CRYM: variants seen among roughly 807,000 people sequenced by gnomAD.
CRYM encodes crystallin mu.
In CRYM, 18 loss-of-function variants were observed where a neutral mutation model predicts 32.9. That is an observed-to-expected ratio of 0.55 (90% confidence interval 0.38 to 0.81). The LOEUF (loss-of-function observed/expected upper bound fraction) is 0.81, where lower values mean the gene tolerates loss of function less well. Among genes scored for constraint, CRYM ranks in the 30% least tolerant of loss-of-function variants. The pLI is 0.00. For synonymous variants in CRYM, 153 were observed against 152.4 expected (o/e 1.00, Z -0.03); for missense variants, 337 against 393.5 (o/e 0.86, Z 1.21).
chr16:21,282,438 T>G (rs2093399813), upstream of CRYM, among the ~76,000 whole-genome samples: 1 of 152,102 alleles, frequency 6.6e-6, no homozygotes, highest in South Asian at 2.1e-4. Flanking sequence ...GTGGTTTTTT[T>G]TTTAAAGTTA....
At chr16:21,287,987 T>A (rs2093410267) in intron 1 of CRYM, among the ~76,000 whole-genome samples, 1 of 152,208 alleles carries the variant, frequency 6.6e-6, no homozygotes, top group African/African-American at 2.4e-5. Flanking sequence ...GGTGCAATCT[T>A]GTGGGATTGG....
intron 1 of CRYM, among the ~76,000 whole-genome samples, chr16:21,302,213 T>G (rs1200082728): frequency 6.6e-6 from 1 of 152,250 alleles, no homozygotes; most frequent in Non-Finnish European, 1.5e-5. Flanking sequence ...AGTCCAGAAT[T>G]TATTTGCTGT....
chr16:21,272,847 T>A (rs1363792223), intron 3 of CRYM, among the ~76,000 whole-genome samples: 11 of 90,210 alleles, frequency 1.2e-4, no homozygotes, highest in Non-Finnish European at 7.2e-5. Context: ...TTTTTTTTTT[T>A]AGTACAGATG....
At chr16:21,259,604 C>T (rs561203980) in intron 7 of CRYM, among the ~76,000 whole-genome samples, 158 of 152,272 alleles carry the variant, frequency 1.0e-3, no homozygotes, top group South Asian at 4.8e-3. Flanking sequence ...CATTTTCAGA[C>T]ATCATGAAAT....
At chr16:21,276,004 T>A (rs1454423554) in intron 2 of CRYM, among the ~76,000 whole-genome samples, 1 of 152,166 alleles carries the variant, frequency 6.6e-6, no homozygotes, top group African/African-American at 2.4e-5. Flanking sequence ...CATGAAACTC[T>A]TAGTGGCTCT....
At chr16:21,288,186 G>A (rs905595308) in intron 1 of CRYM, among the ~76,000 whole-genome samples, 1 of 152,216 alleles carries the variant, frequency 6.6e-6, no homozygotes, top group Non-Finnish European at 1.5e-5. Flanking sequence ...GAGGACCAAT[G>A]TAAATTATTC....
At chr16:21,296,609 G>T (rs984360516) in intron 1 of CRYM, among the ~76,000 whole-genome samples, 1 of 152,154 alleles carries the variant, frequency 6.6e-6, no homozygotes, top group Non-Finnish European at 1.5e-5. Flanking sequence ...ATGGGGCAGG[G>T]ACTTTTATAT....
chr16:21,276,938 C>A (rs2093387730), intron 2 of CRYM, among the ~76,000 whole-genome samples: 1 of 141,034 alleles, frequency 7.1e-6, no homozygotes, highest in African/African-American at 2.8e-5. Flanking sequence ...TAGAAAAGTG[C>A]CTGATGCATT....
intron 1 of CRYM, among the ~76,000 whole-genome samples, chr16:21,285,507 C>A (rs1203702893): frequency 3.3e-5 from 5 of 152,144 alleles, no homozygotes; most frequent in Admixed American, 3.3e-4. Context: ...AGACAAGGAA[C>A]CATGCCAGAC....
chr16:21,274,961 T>C (rs1160560800), intron 3 of CRYM, among the ~76,000 whole-genome samples: 1 of 152,230 alleles, frequency 6.6e-6, no homozygotes, highest in Non-Finnish European at 1.5e-5. Context: ...CCCTCTGTTT[T>C]TCTCACTGCC....
In CRYM at chr16:21,275,554, G is replaced by A. The variant is rs1387793331; in HGVS notation, c.365C>T (p.Ala122Val). The A allele has an allele frequency of 1.5e-5, 24 of 1,613,950 alleles. No homozygotes were observed. Among genetic ancestry groups the A allele is most frequent in the East Asian group, 2.2e-5 (1 of 44,892 alleles). ...TACCTTGGTGGCAATGGCAGAAACT[G>A]CAGCTGTTCTCTTTGCAGTTATGAC... ...GNVITAKRTA[A>V]VSAIATKFLK... The change falls in exon 3 of 8, where the codon GCA becomes GTA. Residue 122 changes from alanine (A) to valine (V), a missense_variant. By Grantham distance (64) the Ala-to-Val change is moderately conservative. Transcript: ENST00000572914.
intron 6 of CRYM, 42 bp from the exon 7 acceptor site, chr16:21,261,380 T>G: frequency 6.4e-7 from 1 of 1,552,722 alleles, no homozygotes; most frequent in Admixed American, 1.7e-5. Context: ...GAAGCTAAAG[T>G]CTGTGCAGGG....
upstream of CRYM, chr16:21,278,304 T>C (rs1048860880): frequency 5.8e-6 from 9 of 1,543,538 alleles, no homozygotes; most frequent in Non-Finnish European, 7.8e-6. Context: ...CCACGTACCC[T>C]CGGCTGTGCC....
At chr16:21,280,936 C>T (rs2152863725), upstream of CRYM, among the ~76,000 whole-genome samples, 1 of 152,134 alleles carries the variant, frequency 6.6e-6, no homozygotes, top group South Asian at 2.1e-4. Context: ...GAAACCCCAT[C>T]TCTACAAAAA....
chr16:21,276,684 C>T (rs1490705263), intron 2 of CRYM, among the ~76,000 whole-genome samples: 1 of 152,200 alleles, frequency 6.6e-6, no homozygotes, highest in Non-Finnish European at 1.5e-5. Flanking sequence ...CTTCTTGGCA[C>T]ATAAGTGCCC....
intron 1 of CRYM, among the ~76,000 whole-genome samples, chr16:21,291,861 A>C (rs188799313): frequency 6.6e-6 from 1 of 152,136 alleles, no homozygotes; most frequent in Non-Finnish European, 1.5e-5. Flanking sequence ...GTCCCAGACT[A>C]TGGCCTTTTA....
chr16:21,302,191 C>T (rs1451505178), intron 1 of CRYM, among the ~76,000 whole-genome samples: 2 of 152,224 alleles, frequency 1.3e-5, no homozygotes, highest in Admixed American at 1.3e-4. Context: ...TGCCTTGTCC[C>T]TAGTCCTGAC....
intron 2 of CRYM, 138 bp from the exon 3 acceptor site, chr16:21,275,732 C>T (rs1247848368): frequency 2.0e-5 from 14 of 699,548 alleles, no homozygotes; most frequent in East Asian, 1.6e-4. Flanking sequence ...GACCTGGATC[C>T]GATTCCTCCA....
chr16:21,288,502 T>G (rs2093411001), intron 1 of CRYM, among the ~76,000 whole-genome samples: 1 of 95,700 alleles, frequency 1.0e-5, no homozygotes, highest in South Asian at 2.9e-4. Context: ...TTTTAATAAT[T>G]TGAGGCTTCT....
Sources: gnomAD v4.1 joint callset for allele counts (sites outside exome capture counted in the v4.1 genomes callset) on GRCh38, gnomAD v4.1.1 for gene constraint, MANE v1.5 for transcripts, NCBI Gene and HGNC (gene_info 2026-07-23, HGNC 2026-07-21) for gene names.